TICRR: variants seen among roughly 807,000 people sequenced by gnomAD.
TICRR encodes the protein TOPBP1 interacting checkpoint and replication regulator.
In TICRR, 132 loss-of-function variants were observed where a neutral mutation model predicts 178.1. That is an observed-to-expected ratio of 0.74 (90% CI 0.64 to 0.86). The LOEUF is 0.86. Among genes scored for constraint, TICRR ranks in the 40% least tolerant of loss-of-function variants. The pLI, the probability that TICRR is intolerant of heterozygous loss-of-function variation, is 0.00. For synonymous variants in TICRR, 991 were observed against 900.7 expected, an observed-to-expected ratio of 1.10 and a Z score of -1.79; for missense variants, 2,587 against 2,334.3, an observed-to-expected ratio of 1.11 and a Z score of -2.23.
chr15:89,594,386 G>T, intron 5 of TICRR, 29 bp from the exon 6 acceptor site: 1 of 1,566,364 alleles, frequency 6.4e-7, no homozygotes, highest in Non-Finnish European at 8.7e-7. Flanking sequence ...TAGAATGTTG[G>T]TTTTATTCTA....
At position 89,576,080 on chromosome 15, in the gene TICRR, G is replaced by A. The variant is rs1488571355; in HGVS notation, c.494G>A (p.Arg165Lys). The change falls in exon 1 of 22, where the codon AGG (arginine) becomes AAG (lysine). Residue 165 changes from arginine (R) to lysine (K), a missense_variant. Transcript: ENST00000268138. ...FLLAPCPHSQ[R>K]ELLQFVSGCE... is the part of the protein sequence containing the mutation. ...CTGGCCCCCTGTCCGCACTCGCAGAGGGAGCTGCTGCAGTTCGTGTCTGGG... is the reference window on the plus strand; with the variant it reads ...CTGGCCCCCTGTCCGCACTCGCAGAAGGAGCTGCTGCAGTTCGTGTCTGGG... 1 of 1,612,192 alleles carries A rather than the reference G, an allele frequency of 6.2e-7. No homozygotes were observed. The highest frequency in any genetic ancestry group is 2.2e-5 in the East Asian group (1 of 44,856).
chr15:89,624,625 G>C lies in TICRR; in HGVS notation c.4315G>C (p.Gly1439Arg). The change falls in exon 20 of 22, where the codon GGC becomes CGC. Residue 1439 changes from glycine to arginine, a missense_variant. Physicochemically the swap from Gly to Arg is moderately radical, Grantham distance 125. Coordinates refer to ENST00000268138, the MANE Select transcript of TICRR (RefSeq NM_152259.4). ...LSPQSPPERR[G>R]YPGPGLRSDW... The stretch of plus-strand genomic sequence containing the variant: ...TCCTCAGTCTCCTCCTGAAAGACGG[G>C]GCTACCCAGGCCCTGGTCTCAGGAG... 6.2e-7 allele frequency: 1 copy of C among 1,613,952 alleles called. No homozygotes were observed. Among genetic ancestry groups the C allele is most frequent in the Non-Finnish European group, 8.5e-7 (1 of 1,180,018 alleles).
chr15:89,609,240 A>G (rs1963221496), intron 15 of TICRR, among the ~76,000 whole-genome samples: 1 of 149,126 alleles, frequency 6.7e-6, no homozygotes, highest in African/African-American at 2.5e-5. Context: ...CCTCCTGAGT[A>G]GCTGGGACTA....
At position 89,625,362 on chromosome 15, in the gene TICRR, C is replaced by G; in HGVS notation, c.5052C>G (p.Asp1684Glu). The change falls in exon 20 of 22, where the codon GAC becomes GAG. Residue 1684 changes from aspartate (D) to glutamate (E), a missense_variant. Transcript: ENST00000268138. The stretch of plus-strand genomic sequence containing the variant: ...AGACAACTCCAGACATAATTAAAGA[C>G]TGGCCCAGGAGGAAGAGGGCGGTGG... Reference protein sequence around the residue: ...SGKTTPDIIKDWPRRKRAVGC... With the variant: ...SGKTTPDIIKEWPRRKRAVGC... 6 of 1,614,034 alleles carry G rather than the reference C, an allele frequency of 3.7e-6. No individual in the cohort carries two copies. Among genetic ancestry groups the G allele is most frequent in the Admixed American group, 1.7e-5 (1 of 60,012 alleles).
chr15:89,597,268 A>T (rs1394656447), intron 7 of TICRR, among the ~76,000 whole-genome samples: 1 of 152,164 alleles, frequency 6.6e-6, no homozygotes, highest in Non-Finnish European at 1.5e-5. Flanking sequence ...TCATGCCTGT[A>T]ATCCTAGCAC....
At chr15:89,576,301 T>A in intron 1 of TICRR, 61 bp downstream of exon 1, 3 of 1,449,202 alleles carry the variant, frequency 2.1e-6, no homozygotes, top group Non-Finnish European at 2.7e-6. Context: ...TAACCAGAAC[T>A]TGGCAGCGTC....
chr15:89,597,771 A>G (rs983237592), intron 7 of TICRR, among the ~76,000 whole-genome samples: 8 of 152,196 alleles, frequency 5.3e-5, no homozygotes, highest in African/African-American at 1.9e-4. Context: ...GTCAATATGC[A>G]GAAAATAACT....
Position 89,624,872 on chromosome 15 carries a change from C to T in TICRR, c.4562C>T (p.Pro1521Leu), listed in dbSNP as rs147543882. ...TGTGGGCCTGGCTCTCCTCTGATGC[C>T]TTCCCGTGACGTGCACTGTACCACA... Reference protein sequence around the residue: ...PSCGPGSPLMPSRDVHCTTDG... With the variant: ...PSCGPGSPLMLSRDVHCTTDG... The change falls in exon 20 of 22, where the codon CCT (proline) becomes CTT (leucine). Residue 1521 changes from proline to leucine, a missense_variant. By Grantham distance (98) the Pro-to-Leu change is moderately conservative (BLOSUM62 -3). Transcript: ENST00000268138. The T allele has an allele frequency of 6.2e-7, 1 of 1,613,892 alleles. No individual in the cohort carries two copies. The highest frequency in any genetic ancestry group is 8.5e-7 in the Non-Finnish European group (1 of 1,179,890).
intron 15 of TICRR, among the ~76,000 whole-genome samples, chr15:89,615,934 G>C (rs886587806): frequency 5.3e-5 from 8 of 151,538 alleles, no homozygotes; most frequent in Admixed American, 6.6e-5. Context: ...GCCCAGGCTG[G>C]AGTGCAGCGG....
rs1361675915 is a variant in TICRR, at chr15:89,609,146, T to A, written c.2869+197T>A. Among the ~76,000 whole-genome samples, 4 of 125,842 alleles carry A rather than the reference T, an allele frequency of 3.2e-5. No homozygotes were observed. In the South Asian group the frequency reaches 1.2e-3, roughly 36 times the overall value. 82.6% of individuals were successfully genotyped at this position (125,842 alleles called of 152,430 possible). On this transcript the variant is annotated intron_variant, in intron 15 of 21. Coordinates refer to ENST00000268138, the MANE Select transcript of TICRR (RefSeq NM_152259.4). ...TTTTTTTTGAGACAGGTTCTTGCTC[T>A]ATCACCCAGGTTGGAGTGCAGTGGC...
chr15:89,582,710 G>C lies in TICRR; in HGVS notation c.679G>C (p.Gly227Arg). Residue 227 changes from glycine to arginine, a missense_variant, in exon 2 of 22, where the codon GGA becomes CGA. By Grantham distance (125) the Gly-to-Arg change is moderately radical (BLOSUM62 -2). Coordinates refer to ENST00000268138, the MANE Select transcript of TICRR (RefSeq NM_152259.4). ...GTTGTGGGAATCCCCAGACCACCTT[G>C]GATACTGGACTGTTTGTGAACTGCT... The part of the protein sequence containing the change: ...SKLWESPDHL[G>R]YWTVCELLHH... The C allele has an allele frequency of 6.2e-7, 1 of 1,614,116 alleles. No individual in the cohort carries two copies. Among genetic ancestry groups the C allele is most frequent in the Non-Finnish European group, 8.5e-7 (1 of 1,179,998 alleles).
Position 89,624,403 on chromosome 15 carries a change from TCA to T in TICRR, c.4096_4097del (p.Gln1366GlufsTer14), listed in dbSNP as rs775327891. 9 of 1,614,026 alleles carry T rather than the reference TCA, an allele frequency of 5.6e-6. No individual in the cohort carries two copies. The highest frequency in any genetic ancestry group is 7.6e-6 in the Non-Finnish European group (9 of 1,180,028). ...TGTTCCCTCAACTCCCCCTGAACTC[TCA>T]CAGAGAGCTACATTGGACACCGTCC... ...CPVPSTPPELSQRATLDTVPP... is the reference protein window; with the variant it reads ...CPVPSTPPELXQRATLDTVPP... On this transcript the variant is annotated frameshift_variant, in exon 20 of 22. Coordinates refer to ENST00000268138, the MANE Select transcript of TICRR (RefSeq NM_152259.4). LOFTEE classifies it high-confidence loss of function.
intron 14 of TICRR, among the ~76,000 whole-genome samples, chr15:89,607,603 A>C (rs891025475): frequency 1.3e-5 from 2 of 152,188 alleles, no homozygotes; most frequent in Admixed American, 6.5e-5. Context: ...AGGAACTCTT[A>C]TAATGGAGAT....
intron 12 of TICRR, 131 bp downstream of exon 12, chr15:89,602,107 A>C: frequency 9.2e-7 from 1 of 1,084,548 alleles, no homozygotes; most frequent in South Asian, 1.6e-5. Context: ...TGTCTGAATC[A>C]GAGAAGCCAA....
At chr15:89,590,372 A>G (rs1278104736) in intron 4 of TICRR, among the ~76,000 whole-genome samples, 1 of 152,200 alleles carries the variant, frequency 6.6e-6, no homozygotes, top group African/African-American at 2.4e-5. Flanking sequence ...TACCTTACTT[A>G]CCAATTGTGT....
chr15:89,601,975 A>G lies in TICRR; in HGVS notation c.2566A>G (p.Arg856Gly). Residue 856 changes from arginine to glycine, a missense_variant and splice_region_variant, in exon 12 of 22, where the codon AGG (arginine) becomes GGG (glycine). Coordinates refer to ENST00000268138, the MANE Select transcript of TICRR (RefSeq NM_152259.4). ...TCGTACCAGATCAGCCAAGAAGAGA[A>G]GGTAAGAGGTCAAAGAATCAAAGGA... ...ELRTRSAKKR[R>G]KNALIRHKSI... 6.2e-7 allele frequency: 1 copy of G among 1,613,972 alleles called. No individual in the cohort carries two copies. The highest frequency in any genetic ancestry group is 8.5e-7 in the Non-Finnish European group (1 of 1,179,916).
chr15:89,585,389 C>G (rs753780002), intron 3 of TICRR, among the ~76,000 whole-genome samples: 2 of 152,200 alleles, frequency 1.3e-5, no homozygotes, highest in Non-Finnish European at 2.9e-5. Flanking sequence ...ACTTCTGCCT[C>G]AGCCTCAATC....
chr15:89,592,193 T>C lies in TICRR; in HGVS notation c.1541+17T>C. On this transcript the variant is annotated intron_variant, in intron 5 of 21. Coordinates refer to ENST00000268138, the MANE Select transcript of TICRR (RefSeq NM_152259.4). ...GTCATTTGGGTAAAACGTTTTTATATCTCTTGAATATTGATTATTAAAATC... is the reference window on the plus strand; with the variant it reads ...GTCATTTGGGTAAAACGTTTTTATACCTCTTGAATATTGATTATTAAAATC... 1 of 1,604,330 alleles carries C rather than the reference T, an allele frequency of 6.2e-7. No individual in the cohort carries two copies. Among genetic ancestry groups the C allele is most frequent in the Non-Finnish European group, 8.5e-7 (1 of 1,172,360 alleles).
intron 18 of TICRR, among the ~76,000 whole-genome samples, 176 bp downstream of exon 18, chr15:89,620,018 G>A (rs1267129693): frequency 1.3e-5 from 2 of 152,178 alleles, no homozygotes; most frequent in African/African-American, 2.4e-5. Flanking sequence ...TTTGTAATCA[G>A]TCATCCCTAG....
Sources: gnomAD v4.1 joint callset for allele counts (sites outside exome capture counted in the v4.1 genomes callset) on GRCh38, gnomAD v4.1.1 for gene constraint, MANE v1.5 for transcripts, NCBI Gene and HGNC (gene_info 2026-07-23, HGNC 2026-07-21) for gene names.